PEX3: variants seen among roughly 807,000 people sequenced by gnomAD.
PEX3 encodes the protein peroxin-3.
A neutral mutation model predicts 55.8 loss-of-function variants in PEX3; 30 were observed. That is an observed-to-expected ratio of 0.54 (90% CI 0.40 to 0.73). The LOEUF (loss-of-function observed/expected upper bound fraction) is 0.73. Ranked by LOEUF, PEX3 falls within the 30% of genes least tolerant of loss-of-function variation. The probability of loss-of-function intolerance (pLI) is 0.00; values close to 1 mark genes in which losing one functional copy is unlikely to be tolerated. For synonymous variants in PEX3, 135 were observed against 148.4 expected (o/e 0.91, Z 0.66); for missense variants, 351 against 432.8 (o/e 0.81, Z 1.68).
At chr6:143,456,866 G>C (rs161075) in intron 1 of PEX3, among the ~76,000 whole-genome samples, 104,337 of 152,038 alleles carry the variant, frequency 0.69, 36,182 homozygotes, top group African/African-American at 0.78. Context: ...TTCACATTCT[G>C]ATTTCACGTT....
intron 3 of PEX3, among the ~76,000 whole-genome samples, chr6:143,467,478 TC>T (rs1168402802): frequency 1.3e-5 from 2 of 152,138 alleles, no homozygotes; most frequent in African/African-American, 4.8e-5. Flanking sequence ...GGTTTTGGTC[TC>T]TACCATTTCC....
In PEX3 at chr6:143,464,302, A is replaced by C. The variant is rs1216486725; in HGVS notation, c.287+1305A>C. ...ATACAGATAAAATAATCGTGGTGGC[A>C]TTCTTCCTTCTTGGTGAATCTGTTT... On this transcript the variant is annotated intron_variant, in intron 3 of 11. Transcript: ENST00000367591. The surrounding 1 kb of genome is among the most constrained non-coding windows in gnomAD (Gnocchi z 5.8). 6.6e-6 allele frequency among the ~76,000 whole-genome samples: 1 copy of C among 152,030 alleles called. No individual in the cohort carries two copies. Among genetic ancestry groups the C allele is most frequent in the East Asian group, 1.9e-4 (1 of 5,198 alleles).
rs1780355329 is a variant in PEX3 at position 143,489,276 on chromosome 6, C to T, written c.*50C>T. On this transcript the variant is annotated 3_prime_UTR_variant, in exon 12 of 12. Transcript: ENST00000367591. The surrounding 1 kb of genome is among the most constrained non-coding windows in gnomAD (Gnocchi z 5.5). The stretch of plus-strand genomic sequence containing the variant: ...TGGGATTCATTTACTTTTTAAAATA[C>T]ACTGGGTAAATCACCTATACTTAGA... 5.1e-6 allele frequency: 5 copies of T among 989,490 alleles called. No individual in the cohort carries two copies. Among genetic ancestry groups the T allele is most frequent in the Middle Eastern group, 2.1e-4 (1 of 4,838 alleles). 61.3% of individuals were successfully genotyped at this position (989,490 alleles called of 1,614,324 possible).
In PEX3 at chr6:143,458,271, C is replaced by G. The variant is rs1779872683; in HGVS notation, c.74-814C>G. Among the ~76,000 whole-genome samples the G allele has an allele frequency of 6.6e-6, 1 of 152,132 alleles. No individual in the cohort carries two copies. The highest frequency in any genetic ancestry group is 1.5e-5 in the Non-Finnish European group (1 of 68,014). ...GCCTATGCTGAAATCTGTTAAATCA[C>G]AGGCCACATGACACCACCTATATTC... On this transcript the variant is annotated intron_variant, in intron 1 of 11. Coordinates refer to ENST00000367591, the MANE Select transcript of PEX3 (RefSeq NM_003630.3). This position sits in a 1 kb window ranked among gnomAD's most constrained non-coding sequence, Gnocchi z 6.1.
At position 143,454,027 on chromosome 6, in the gene PEX3, A is replaced by AT. The variant is rs141091970; in HGVS notation, c.73+2918dup. ...TTATGATATTCAAAATTAAAATGAAATTTTTTAAAATATTAATTCATTTTA... is the reference window on the plus strand; with the variant it reads ...TTATGATATTCAAAATTAAAATGAAATTTTTTTAAAATATTAATTCATTTTA... On this transcript the variant is annotated intron_variant, in intron 1 of 11. Coordinates refer to ENST00000367591, the MANE Select transcript of PEX3 (RefSeq NM_003630.3). This position sits in a 1 kb window ranked among gnomAD's most constrained non-coding sequence, Gnocchi z 4.3. 0.087 allele frequency among the ~76,000 whole-genome samples: 12,528 copies of AT among 144,462 alleles called. 548 individuals carry two copies. Among genetic ancestry groups the AT allele is most frequent in the African/African-American group, 0.1 (3,924 of 38,684 alleles). 94.8% of individuals were successfully genotyped at this position (144,462 alleles called of 152,430 possible). A position where few individuals can be genotyped will look rare whatever the true frequency, so the allele number is the denominator to read the frequency against.
At chr6:143,480,494 G>A (rs975675411) in intron 10 of PEX3, among the ~76,000 whole-genome samples, 1 of 152,144 alleles carries the variant, frequency 6.6e-6, no homozygotes. Context: ...TTGAATTGGA[G>A]TTTTATTCCT....
intron 10 of PEX3, among the ~76,000 whole-genome samples, chr6:143,480,711 A>G (rs1780223258): frequency 6.6e-6 from 1 of 152,174 alleles, no homozygotes; most frequent in South Asian, 2.1e-4. Flanking sequence ...GTGAAAGTCT[A>G]GCCATCATAG....
At chr6:143,456,888 C>T (rs543786218) in intron 1 of PEX3, among the ~76,000 whole-genome samples, 3 of 152,226 alleles carry the variant, frequency 2.0e-5, no homozygotes, top group South Asian at 2.1e-4. Context: ...AGGAAAATTT[C>T]GCACTCAGGA....
chr6:143,467,215 T>G (rs1780003722), intron 3 of PEX3, among the ~76,000 whole-genome samples: 1 of 152,040 alleles, frequency 6.6e-6, no homozygotes, highest in Admixed American at 6.6e-5. Flanking sequence ...CTTTCACCTA[T>G]TTTTTATGTG....
At chr6:143,456,058 T>G (rs916933849) in intron 1 of PEX3, among the ~76,000 whole-genome samples, 1 of 152,248 alleles carries the variant, frequency 6.6e-6, no homozygotes, top group African/African-American at 2.4e-5. Context: ...TCAAAGCATT[T>G]GACATTTATT....
In PEX3 at chr6:143,450,826, G is replaced by A; in HGVS notation, c.-217G>A. 1.3e-6 allele frequency: 1 copy of A among 771,858 alleles called. No homozygotes were observed. Among genetic ancestry groups the A allele is most frequent in the Non-Finnish European group, 2.1e-6 (1 of 465,960 alleles). 47.8% of individuals were successfully genotyped at this position (771,858 alleles called of 1,614,324 possible). ...GACCAGTGAGCGGCGGCGGCTGCGC[G>A]GCGGCAGCGGCAGAAAGCGTAGCTG... On this transcript the variant is annotated 5_prime_UTR_variant, in exon 1 of 12. Transcript: ENST00000367591.
chr6:143,466,268 A>G lies in PEX3; in HGVS notation c.288-1854A>G, dbSNP rs927787906. ...AAAATTCCAGAAATAAACAATTCCTAAGCTTTCAGTTGTGTGCCATTGTGA... is the reference window on the plus strand; with the variant it reads ...AAAATTCCAGAAATAAACAATTCCTGAGCTTTCAGTTGTGTGCCATTGTGA... On this transcript the variant is annotated intron_variant, in intron 3 of 11. Coordinates refer to ENST00000367591, the MANE Select transcript of PEX3 (RefSeq NM_003630.3). The surrounding 1 kb of genome is among the most constrained non-coding windows in gnomAD (Gnocchi z 5.4). 6.6e-6 allele frequency among the ~76,000 whole-genome samples: 1 copy of G among 152,046 alleles called. No homozygotes were observed. The highest frequency in any genetic ancestry group is 2.4e-5 in the African/African-American group (1 of 41,434).
At chr6:143,477,371 T>G (rs548696835) in intron 9 of PEX3, among the ~76,000 whole-genome samples, 1 of 152,308 alleles carries the variant, frequency 6.6e-6, no homozygotes, top group East Asian at 1.9e-4. Context: ...AACAGTGCCT[T>G]GCATGTAGTA....
chr6:143,471,617 G>C lies in PEX3; in HGVS notation c.578+6G>C. The C allele has an allele frequency of 6.2e-7, 1 of 1,606,312 alleles. No homozygotes were observed. Among genetic ancestry groups the C allele is most frequent in the Non-Finnish European group, 8.5e-7 (1 of 1,173,584 alleles). On this transcript the variant is annotated splice_donor_region_variant and intron_variant, in intron 7 of 11. Transcript: ENST00000367591. The surrounding 1 kb of genome is among the most constrained non-coding windows in gnomAD (Gnocchi z 5.4). The stretch of plus-strand genomic sequence containing the variant: ...GTGCAGAAGGTTTTAGGAAGGTAAG[G>C]CATTTTTCTTTGACTTTTCTGACTT...
Position 143,489,148 on chromosome 6 carries a change from G to T in PEX3, c.1044G>T (p.Leu348=), listed in dbSNP as rs1331365471. 4 of 1,598,854 alleles carry T rather than the reference G, an allele frequency of 2.5e-6. No homozygotes were observed. The Admixed American group carries it at 6.7e-5, about 27-fold the overall frequency. ...TATATTATCATCTTTGCTAGGATCT[G>T]TTGACAATGGAGCAAGTGAAAGACT... ...SETPSHFVQD[L]LTMEQVKDFA... The change falls in exon 12 of 12, where the codon CTG becomes CTT. Residue 348 remains leucine, a synonymous_variant. Coordinates refer to ENST00000367591, the MANE Select transcript of PEX3 (RefSeq NM_003630.3). This position sits in a 1 kb window ranked among gnomAD's most constrained non-coding sequence, Gnocchi z 5.5.
chr6:143,472,222 A>G lies in PEX3; in HGVS notation c.641A>G (p.Asn214Ser), dbSNP rs757807729. The G allele has an allele frequency of 1.2e-6, 2 of 1,609,808 alleles. No homozygotes were observed. Among genetic ancestry groups the G allele is most frequent in the South Asian group, 2.2e-5 (2 of 91,020 alleles). Residue 214 changes from asparagine to serine, a missense_variant, in exon 8 of 12, where the codon AAT becomes AGT. Transcript: ENST00000367591. ...GAGCAAAAACTAAAAGAAATCAGAA[A>G]TCTCGTTGAGCAGCATAAGTCTTCT... The part of the protein sequence containing the change: ...DLEQKLKEIR[N>S]LVEQHKSSSW...
rs1780203422 is a variant in PEX3, at chr6:143,479,590, T to A, written c.941+392T>A. Among the ~76,000 whole-genome samples the A allele has an allele frequency of 6.6e-6, 1 of 152,142 alleles. No homozygotes were observed. Among genetic ancestry groups the A allele is most frequent in the Non-Finnish European group, 1.5e-5 (1 of 67,952 alleles). ...GCATATTTCAATATTTTGTTCCTTA[T>A]AATACCCGGGCATTGTTGGTATAGA... On this transcript the variant is annotated intron_variant, in intron 10 of 11. Transcript: ENST00000367591. This position sits in a 1 kb window ranked among gnomAD's most constrained non-coding sequence, Gnocchi z 4.6.
chr6:143,475,754 A>T lies in PEX3; in HGVS notation c.818+898A>T, dbSNP rs552889266. 2.6e-5 allele frequency among the ~76,000 whole-genome samples: 4 copies of T among 152,328 alleles called. No individual in the cohort carries two copies. Among genetic ancestry groups the T allele is most frequent in the African/African-American group, 7.2e-5 (3 of 41,580 alleles). ...CCAGGCAATGTTTTATACTCCCATT[A>T]CTTTACTATGCTAGTAGTTAAAGCC... On this transcript the variant is annotated intron_variant, in intron 9 of 11. Transcript: ENST00000367591. The surrounding 1 kb of genome is among the most constrained non-coding windows in gnomAD (Gnocchi z 4.4).
intron 3 of PEX3, among the ~76,000 whole-genome samples, chr6:143,467,493 T>G (rs1440893028): frequency 6.6e-6 from 1 of 152,126 alleles, no homozygotes; most frequent in Non-Finnish European, 1.5e-5. Flanking sequence ...CATTTCCTGC[T>G]ATGAGAAAAC....
Sources: allele counts gnomAD v4.1 joint callset (sites outside exome capture counted in the v4.1 genomes callset), GRCh38; gene constraint gnomAD v4.1.1; non-coding constraint Gnocchi (gnomAD v3.1); transcripts MANE v1.5; gene names NCBI Gene and HGNC (gene_info 2026-07-23, HGNC 2026-07-21).